The following HS3ST4 variants were observed in gnomAD, a reference collection of about 807,000 sequenced individuals.
The protein encoded by HS3ST4 is heparan sulfate-glucosamine 3-sulfotransferase 4.
HS3ST4 carries 17 observed loss-of-function variants against 29.2 expected under a neutral mutation model. The ratio of observed to expected loss-of-function variants is 0.58; its 90% CI spans 0.40 to 0.87. The LOEUF (loss-of-function observed/expected upper bound fraction) is 0.87. Ranked by LOEUF, HS3ST4 falls within the 40% of genes least tolerant of loss-of-function variation. HS3ST4 has a pLI of 0.00. For synonymous variants in HS3ST4, 314 were observed against 285.7 expected (o/e 1.10, Z -1.00); for missense variants, 627 against 634.5 (o/e 0.99, Z 0.13).
chr16:25,850,935 C>T (rs1367936939), intron 1 of HS3ST4, among the ~76,000 whole-genome samples: 1 of 152,138 alleles, frequency 6.6e-6, no homozygotes, highest in Non-Finnish European at 1.5e-5. Context: ...TCTGTTGGCC[C>T]ATTACAAAGT....
chr16:26,043,063 G>A (rs1969649465), intron 1 of HS3ST4, among the ~76,000 whole-genome samples: 1 of 152,132 alleles, frequency 6.6e-6, no homozygotes, highest in Non-Finnish European at 1.5e-5. Context: ...TAAAGCACAA[G>A]CACTTTTATG....
intron 1 of HS3ST4, among the ~76,000 whole-genome samples, chr16:26,130,071 C>T (rs1244260628): frequency 2.0e-5 from 3 of 152,100 alleles, no homozygotes; most frequent in Non-Finnish European, 4.4e-5. Flanking sequence ...AGCAAAGCAC[C>T]AGGACCAGGA....
At chr16:25,783,751 G>A (rs1451639307) in intron 1 of HS3ST4, among the ~76,000 whole-genome samples, 1 of 152,156 alleles carries the variant, frequency 6.6e-6, no homozygotes, top group Non-Finnish European at 1.5e-5. Context: ...GCACAGTCAC[G>A]ATGCAACCAT....
intron 1 of HS3ST4, among the ~76,000 whole-genome samples, chr16:25,697,327 G>C (rs1336108879): frequency 6.6e-6 from 1 of 152,132 alleles, no homozygotes; most frequent in Non-Finnish European, 1.5e-5. Context: ...GGATGGCCCA[G>C]AGCTGTTTTG....
In HS3ST4 at chr16:26,135,716, A is replaced by G; in HGVS notation, c.839A>G (p.Asp280Gly). The change falls in exon 2 of 2, where the codon GAC becomes GGC. Residue 280 changes from aspartate to glycine, a missense_variant. Asp to Gly is a moderately conservative substitution (Grantham distance 94). This residue lies in a region of HS3ST4 where 225 missense variants were observed against 293.7 expected (regional missense o/e 0.77). Transcript: ENST00000331351. ...AAGCGCATTCACTCCATGGCCAAGG[A>G]CATCAAACTGATTGTGGTGGTGAGA... The part of the protein sequence containing the change: ...APKRIHSMAK[D>G]IKLIVVVRNP... 1 of 1,614,150 alleles carries G rather than the reference A, an allele frequency of 6.2e-7. No individual in the cohort carries two copies. The highest frequency in any genetic ancestry group is 8.5e-7 in the Non-Finnish European group (1 of 1,179,986).
intron 1 of HS3ST4, among the ~76,000 whole-genome samples, chr16:25,938,597 A>T (rs534189948): frequency 6.6e-6 from 1 of 152,218 alleles, no homozygotes; most frequent in African/African-American, 2.4e-5. Context: ...TGGTATTAAA[A>T]AAAAAAAGGA....
At chr16:26,081,495 G>A (rs1345575302) in intron 1 of HS3ST4, among the ~76,000 whole-genome samples, 1 of 152,146 alleles carries the variant, frequency 6.6e-6, no homozygotes, top group Non-Finnish European at 1.5e-5. Flanking sequence ...GGGCCCCTGA[G>A]GAGTTTATGC....
chr16:25,873,316 ATCCATCCTTCCT>A (rs1293271911), intron 1 of HS3ST4, among the ~76,000 whole-genome samples: 3 of 84,354 alleles, frequency 3.6e-5, no homozygotes, highest in African/African-American at 1.1e-4. Context: ...CCATCCATCC[ATCCATCCTTCCT>A]TCCTTCCTTT....
At chr16:25,966,550 G>A (rs934998956) in intron 1 of HS3ST4, among the ~76,000 whole-genome samples, 1 of 152,160 alleles carries the variant, frequency 6.6e-6, no homozygotes, top group African/African-American at 2.4e-5. Flanking sequence ...GGTACCATGA[G>A]CTCTTACAGA....
At chr16:25,942,917 C>T (rs1021100277) in intron 1 of HS3ST4, among the ~76,000 whole-genome samples, 34 of 152,246 alleles carry the variant, frequency 2.2e-4, no homozygotes, top group African/African-American at 7.2e-4. Context: ...CCACCATGCC[C>T]GGCCTGCCTG....
At chr16:26,043,332 G>T (rs561602175) in intron 1 of HS3ST4, among the ~76,000 whole-genome samples, 2 of 152,292 alleles carry the variant, frequency 1.3e-5, no homozygotes, top group Admixed American at 1.3e-4. Flanking sequence ...CATGCGGGAG[G>T]ATTGCATGGA....
At chr16:26,022,916 C>A (rs1969428941) in intron 1 of HS3ST4, among the ~76,000 whole-genome samples, 1 of 152,102 alleles carries the variant, frequency 6.6e-6, no homozygotes, top group African/African-American at 2.4e-5. Flanking sequence ...GTGGCGCATG[C>A]CTGTAATCCC....
chr16:25,974,584 A>G (rs1968926369), intron 1 of HS3ST4, among the ~76,000 whole-genome samples: 1 of 150,322 alleles, frequency 6.7e-6, no homozygotes, highest in Non-Finnish European at 1.5e-5. Flanking sequence ...TCTCCCCTTT[A>G]GAGGGTGCTT....
Position 25,692,532 on chromosome 16 carries a change from TG to T in HS3ST4, c.116del (p.Cys39SerfsTer111). 1 of 1,440,210 alleles carries T rather than the reference TG, an allele frequency of 6.9e-7. No individual in the cohort carries two copies. The highest frequency in any genetic ancestry group is 9.2e-7 in the Non-Finnish European group (1 of 1,085,732). 89.2% of individuals were successfully genotyped at this position (1,440,210 alleles called of 1,614,324 possible). A position where few individuals can be genotyped will look rare whatever the true frequency, so the allele number is the denominator to read the frequency against. Reference sequence around the variant, plus strand: ...GCCGGCGCGCAAGCTGCTTTTTATGTGCACCTTGTCCCTGTCTGTCACCTAC... The same window carrying T: ...GCCGGCGCGCAAGCTGCTTTTTATGTCACCTTGTCCCTGTCTGTCACCTAC... Reference protein sequence around the residue: ...GPPARKLLFMCTLSLSVTYLC... With the variant: ...GPPARKLLFMXTLSLSVTYLC... On this transcript the variant is annotated frameshift_variant, in exon 1 of 2. Transcript: ENST00000331351. LOFTEE classifies it high-confidence loss of function.
At chr16:26,059,626 G>A (rs1898451664) in intron 1 of HS3ST4, among the ~76,000 whole-genome samples, 1 of 152,082 alleles carries the variant, frequency 6.6e-6, no homozygotes, top group Non-Finnish European at 1.5e-5. Flanking sequence ...TGTGAAGCAG[G>A]CAGAACACAT....
chr16:26,044,613 G>T (rs1303146479), intron 1 of HS3ST4, among the ~76,000 whole-genome samples: 1 of 152,032 alleles, frequency 6.6e-6, no homozygotes, highest in Non-Finnish European at 1.5e-5. Flanking sequence ...TAATTACATG[G>T]TAAATGTAAG....
At position 25,914,626 on chromosome 16, in the gene HS3ST4, G is replaced by A. The variant is rs183111739; in HGVS notation, c.735-220986G>A. Among the ~76,000 whole-genome samples, 874 of 150,858 alleles carry A rather than the reference G, an allele frequency of 5.8e-3. 9 individuals carry two copies. Among genetic ancestry groups the A allele is most frequent in the African/African-American group, 0.02 (815 of 40,910 alleles). On this transcript the variant is annotated intron_variant, in intron 1 of 1. Coordinates refer to ENST00000331351, the MANE Select transcript of HS3ST4 (RefSeq NM_006040.3). ...TGTGTGTAGGGTGTGTGGGGTGTGTGTGGTGTGTGTGTGTGTGTGCACGTG... is the reference window on the plus strand; with the variant it reads ...TGTGTGTAGGGTGTGTGGGGTGTGTATGGTGTGTGTGTGTGTGTGCACGTG...
intron 1 of HS3ST4, among the ~76,000 whole-genome samples, chr16:26,129,183 G>A (rs1179655944): frequency 6.6e-6 from 1 of 152,212 alleles, no homozygotes; most frequent in Non-Finnish European, 1.5e-5. Flanking sequence ...GCTTGATCTG[G>A]CAAGAATTTC....
At chr16:26,082,767 A>G (rs1394901316) in intron 1 of HS3ST4, among the ~76,000 whole-genome samples, 3 of 152,204 alleles carry the variant, frequency 2.0e-5, no homozygotes, top group Admixed American at 1.3e-4. Context: ...ATGACAGAGC[A>G]TCCGTCATCC....
Sources: allele counts gnomAD v4.1 joint callset (sites outside exome capture counted in the v4.1 genomes callset), GRCh38; gene constraint gnomAD v4.1.1; regional missense constraint gnomAD v4.1.1; transcripts MANE v1.5; gene names NCBI Gene and HGNC (gene_info 2026-07-23, HGNC 2026-07-21).